The following TNNT3 variants were observed in gnomAD, a reference collection of about 807,000 sequenced individuals.
The protein encoded by TNNT3 is troponin T3, fast skeletal type.
In TNNT3, 36 loss-of-function variants were observed where a neutral mutation model predicts 54.2. The observed-to-expected ratio is 0.66, with a 90% confidence interval of 0.51 to 0.88. The LOEUF is 0.88. Ranked by LOEUF, TNNT3 falls within the 40% of genes least tolerant of loss-of-function variation. The pLI, the probability that TNNT3 is intolerant of heterozygous loss-of-function variation, is 0.00. For missense variants in TNNT3, 291 were observed against 331.6 expected, an observed-to-expected ratio of 0.88 and a Z score of 0.95; for synonymous variants, 120 against 109.7, an observed-to-expected ratio of 1.09 and a Z score of -0.59.
chr11:1,927,292 C>A (rs1370361612), intron 6 of TNNT3, among the ~76,000 whole-genome samples: 1 of 152,226 alleles, frequency 6.6e-6, no homozygotes, highest in Non-Finnish European at 1.5e-5. Flanking sequence ...TTGCCTGGGC[C>A]TGAGCCAGAC....
rs372979982 is a variant in TNNT3, at chr11:1,934,018, C to A, written c.366+10C>A. The A allele has an allele frequency of 1.7e-4, 269 of 1,610,310 alleles. No individual in the cohort carries two copies. In the African/African-American group the frequency reaches 3.2e-3, roughly 19 times the overall value. On this transcript the variant is annotated intron_variant, in intron 11 of 15. Transcript: ENST00000278317. ...CCAGAACAGACTGGCGGTGAGGGCACCATCCGCACTGCTGCCTCATCAGAG... is the reference window on the plus strand; with the variant it reads ...CCAGAACAGACTGGCGGTGAGGGCAACATCCGCACTGCTGCCTCATCAGAG...
In TNNT3 at chr11:1,938,610, TG is replaced by T; in HGVS notation, c.*123del. The T allele has an allele frequency of 8.8e-7, 1 of 1,133,674 alleles. No individual in the cohort carries two copies. Among genetic ancestry groups the T allele is most frequent in the Non-Finnish European group, 1.3e-6 (1 of 764,336 alleles). The allele number at this position is 1,133,674 out of a possible 1,614,324, so 70.2% of individuals were successfully genotyped here. The stretch of plus-strand genomic sequence containing the variant: ...CCTGTCAGGGGCTCCCTGACAGTCC[TG>T]GGGGTGGAGAGGCCATCCCGGGGCG... On this transcript the variant is annotated 3_prime_UTR_variant, in exon 16 of 16. Coordinates refer to ENST00000278317, the MANE Select transcript of TNNT3 (RefSeq NM_006757.4).
chr11:1,937,736 G>C (rs748797681), intron 15 of TNNT3, among the ~76,000 whole-genome samples: 1 of 152,212 alleles, frequency 6.6e-6, no homozygotes, highest in South Asian at 2.1e-4. Context: ...CCCAGGGCGG[G>C]CTCCTCCGTG....
chr11:1,921,322 C>T (rs1024268294), intron 1 of TNNT3: 4 of 152,268 alleles, frequency 2.6e-5, no homozygotes, highest in Non-Finnish European at 5.9e-5. Context: ...CGGGGCCAGG[C>T]TCCGCTCCCT....
intron 9 of TNNT3, among the ~76,000 whole-genome samples, chr11:1,933,455 C>T (rs1027624218): frequency 4.6e-5 from 7 of 152,222 alleles, no homozygotes; most frequent in African/African-American, 1.7e-4. Context: ...GCCAGTCCAT[C>T]CTAAGGATGC....
intron 5 of TNNT3, chr11:1,926,359 C>A: frequency 7.3e-7 from 1 of 1,370,538 alleles, no homozygotes; most frequent in South Asian, 1.2e-5. Flanking sequence ...GCACGCACCC[C>A]ACCCTCGGCC....
At chr11:1,930,327 T>C (rs1018972616) in intron 8 of TNNT3, among the ~76,000 whole-genome samples, 2 of 152,046 alleles carry the variant, frequency 1.3e-5, no homozygotes, top group Non-Finnish European at 1.5e-5. Context: ...GAGTCCTAGA[T>C]TGAAAAGCGA....
intron 1 of TNNT3, among the ~76,000 whole-genome samples, chr11:1,921,985 C>G (rs984417457): frequency 4.2e-4 from 64 of 152,330 alleles, no homozygotes; most frequent in Middle Eastern, 3.4e-3. Flanking sequence ...GGAGCTTCCC[C>G]TAGACAGGGA....
chr11:1,927,126 C>T (rs775960511), intron 6 of TNNT3, among the ~76,000 whole-genome samples: 6 of 151,606 alleles, frequency 4.0e-5, no homozygotes, highest in Admixed American at 6.6e-5. Context: ...AAGCCAGAAG[C>T]GGGAAGGTAG....
chr11:1,929,375 C>T (rs1275626086), intron 7 of TNNT3, among the ~76,000 whole-genome samples: 2 of 152,192 alleles, frequency 1.3e-5, no homozygotes, highest in East Asian at 1.9e-4. Flanking sequence ...TGCCACACAG[C>T]GGAGGGGGAG....
At chr11:1,923,093 C>T in intron 3 of TNNT3, 32 bp downstream of exon 3, 1 of 1,613,814 alleles carries the variant, frequency 6.2e-7, no homozygotes, top group Non-Finnish European at 8.5e-7. Flanking sequence ...TTTCTACTTC[C>T]TGCTCTAGAA....
At chr11:1,936,233 G>C (rs748855920) in intron 14 of TNNT3, 3 of 1,613,890 alleles carry the variant, frequency 1.9e-6, no homozygotes, top group East Asian at 4.5e-5. Context: ...GTCCGGGCCA[G>C]AGTGCAGATG....
chr11:1,934,739 G>T, intron 13 of TNNT3, 84 bp downstream of exon 13: 1 of 1,592,858 alleles, frequency 6.3e-7, no homozygotes, highest in Non-Finnish European at 8.6e-7. Flanking sequence ...GCCAAGGACC[G>T]TGCTCCCCAG....
Position 1,922,909 on chromosome 11 carries a change from G to T in TNNT3, c.17+18G>T, listed in dbSNP as rs375651524. The stretch of plus-strand genomic sequence containing the variant: ...GAGGAAGTGTGAGTACCCAGCTGGT[G>T]GCTGCCCCCTGCCTGGCTCGGGACC... On this transcript the variant is annotated intron_variant, in intron 2 of 15. Coordinates refer to ENST00000278317, the MANE Select transcript of TNNT3 (RefSeq NM_006757.4). The T allele has an allele frequency of 2.5e-6, 4 of 1,613,662 alleles. No homozygotes were observed. The Admixed American group carries it at 5.0e-5, about 20-fold the overall frequency.
intron 1 of TNNT3, chr11:1,921,394 G>A (rs1372483191): frequency 6.6e-6 from 1 of 152,448 alleles, no homozygotes; most frequent in Non-Finnish European, 1.5e-5. Context: ...TGGCGTTTGG[G>A]GCCTGAACCA....
At chr11:1,936,329 A>G in intron 14 of TNNT3, 1 of 1,532,614 alleles carries the variant, frequency 6.5e-7, no homozygotes. Flanking sequence ...TCGCATGGCA[A>G]AAACCTGGAT....
Position 1,934,467 on chromosome 11 carries a change from AC to A in TNNT3, c.480+23del, listed in dbSNP as rs1265655151. ...CAAGGTGTGTGCCGCTGCTGGGAGC[AC>A]GGTGGTAGCCTTCAGTGTGGGCTAC... is the stretch of plus-strand genomic sequence containing the variant. On this transcript the variant is annotated intron_variant, in intron 12 of 15. Transcript: ENST00000278317. 2.5e-6 allele frequency: 4 copies of A among 1,612,076 alleles called. No homozygotes were observed. The South Asian group carries it at 4.4e-5, about 18-fold the overall frequency.
intron 9 of TNNT3, among the ~76,000 whole-genome samples, chr11:1,932,954 A>C: frequency 1.1e-5 from 1 of 88,422 alleles, no homozygotes; most frequent in South Asian, 3.2e-4. Flanking sequence ...CCACCCATTC[A>C]TACACTCACC....
At chr11:1,920,774 C>A (rs562459137) in intron 1 of TNNT3, among the ~76,000 whole-genome samples, 6 of 152,308 alleles carry the variant, frequency 3.9e-5, no homozygotes, top group Admixed American at 2.0e-4. Flanking sequence ...TGGACACCTG[C>A]TTTGCGTCTC....
Sources: gnomAD v4.1 joint callset for allele counts (sites outside exome capture counted in the v4.1 genomes callset) on GRCh38, gnomAD v4.1.1 for gene constraint, MANE v1.5 for transcripts, NCBI Gene and HGNC (gene_info 2026-07-23, HGNC 2026-07-21) for gene names.